UMAD1: variants seen among roughly 807,000 people sequenced by gnomAD.
UMAD1 encodes the protein UBAP1-MVB12-associated (UMA)-domain containing protein 1.
Under a neutral mutation model 6.1 loss-of-function variants are expected in UMAD1, and 8 were observed. The ratio of observed to expected loss-of-function variants is 1.30; its 90% CI spans 0.76 to 2.35. UMAD1 has a LOEUF of 2.35. Among genes scored for constraint, UMAD1 ranks in the 30% most tolerant of loss-of-function variants. UMAD1 has a pLI of 0.00. For missense variants in UMAD1, 130 were observed against 78.4 expected (o/e 1.66, Z -2.49); for synonymous variants, 56 against 31.4 (o/e 1.78, Z -2.61).
chr7:7,714,179 T>C (rs1042967509), intron 2 of UMAD1, among the ~76,000 whole-genome samples: 1 of 152,272 alleles, frequency 6.6e-6, no homozygotes, highest in African/African-American at 2.4e-5. Flanking sequence ...ACTTGATTCA[T>C]GGCCTTTTCT....
chr7:7,737,641 A>G (rs1374750955), intron 2 of UMAD1, among the ~76,000 whole-genome samples: 3 of 152,212 alleles, frequency 2.0e-5, no homozygotes, highest in Non-Finnish European at 4.4e-5. Flanking sequence ...TGGTTGTACT[A>G]TTATTTTAAA....
intron 1 of UMAD1, among the ~76,000 whole-genome samples, chr7:7,654,506 C>T (rs1188694398): frequency 6.6e-6 from 1 of 152,218 alleles, no homozygotes; most frequent in Non-Finnish European, 1.5e-5. Flanking sequence ...GCTCAAGTGC[C>T]TTTTATTAAA....
intron 3 of UMAD1, chr7:7,868,538 A>G (rs577187539): frequency 6.6e-6 from 1 of 152,022 alleles, no homozygotes; most frequent in Non-Finnish European, 1.5e-5. Context: ...AAGCAGGTAG[A>G]AATATTGAAG....
intron 3 of UMAD1, among the ~76,000 whole-genome samples, chr7:7,863,162 A>T (rs548907354): frequency 6.6e-6 from 1 of 152,344 alleles, no homozygotes; most frequent in South Asian, 2.1e-4. Flanking sequence ...GACTTGGAGT[A>T]TGGGACAGGG....
chr7:7,720,954 CCCT>C (rs748171239), intron 2 of UMAD1, among the ~76,000 whole-genome samples: 34 of 152,262 alleles, frequency 2.2e-4, no homozygotes, highest in South Asian at 8.3e-4. Flanking sequence ...TTGGAGTGGG[CCCT>C]CCTCCTTCAC....
At chr7:7,824,910 C>T (rs1322029394) in intron 3 of UMAD1, among the ~76,000 whole-genome samples, 1 of 152,146 alleles carries the variant, frequency 6.6e-6, no homozygotes, top group Non-Finnish European at 1.5e-5. Flanking sequence ...ACCAGGATAG[C>T]TAGTCCACCT....
intron 2 of UMAD1, among the ~76,000 whole-genome samples, chr7:7,776,761 A>G (rs974685987): frequency 5.6e-4 from 86 of 152,316 alleles, no homozygotes; most frequent in African/African-American, 2.0e-3. Context: ...TCATTTTCCA[A>G]TTTCTGATCA....
At chr7:7,834,594 GC>G (rs2115307720) in intron 3 of UMAD1, among the ~76,000 whole-genome samples, 1 of 147,360 alleles carries the variant, frequency 6.8e-6, no homozygotes, top group African/African-American at 2.4e-5. Context: ...CTTGCAGATG[GC>G]CACCTTCTTG....
intron 3 of UMAD1, among the ~76,000 whole-genome samples, chr7:7,813,320 T>C (rs1362548816): frequency 1.3e-5 from 2 of 152,154 alleles, no homozygotes; most frequent in African/African-American, 4.8e-5. Context: ...TTCTCCTGCC[T>C]CAACCTCCCA....
chr7:7,802,966 T>C (rs1011273431), intron 3 of UMAD1, among the ~76,000 whole-genome samples: 1 of 152,202 alleles, frequency 6.6e-6, no homozygotes, highest in Non-Finnish European at 1.5e-5. Flanking sequence ...AAAGATGTGA[T>C]ATAGGAAGTA....
At chr7:7,651,101 T>G (rs1480457250) in intron 1 of UMAD1, among the ~76,000 whole-genome samples, 1 of 152,072 alleles carries the variant, frequency 6.6e-6, no homozygotes, top group Non-Finnish European at 1.5e-5. Flanking sequence ...ATATAGCAAA[T>G]CAGACATTCA....
intron 2 of UMAD1, among the ~76,000 whole-genome samples, chr7:7,754,572 G>C (rs1781739237): frequency 6.6e-6 from 1 of 152,156 alleles, no homozygotes. Context: ...GCTTTGTTCA[G>C]TAGGGTGGTG....
chr7:7,652,548 G>A (rs896912966), intron 1 of UMAD1, among the ~76,000 whole-genome samples: 7 of 152,220 alleles, frequency 4.6e-5, no homozygotes, highest in African/African-American at 1.7e-4. Flanking sequence ...GTTTTATACA[G>A]GACTTAGCAC....
intron 3 of UMAD1, among the ~76,000 whole-genome samples, chr7:7,872,177 C>T (rs995742610): frequency 7.9e-5 from 12 of 152,076 alleles, no homozygotes; most frequent in Admixed American, 3.3e-4. Context: ...GAAGATATTT[C>T]GGGTTCAGTT....
At chr7:7,857,696 CCTGTAAT>C (rs1250791981) in intron 3 of UMAD1, among the ~76,000 whole-genome samples, 2 of 152,196 alleles carry the variant, frequency 1.3e-5, no homozygotes, top group Non-Finnish European at 1.5e-5. Flanking sequence ...GTCCAAACAG[CCTGTAAT>C]TTCAGGGTGT....
intron 1 of UMAD1, among the ~76,000 whole-genome samples, chr7:7,665,372 T>C (rs1467836662): frequency 6.6e-6 from 1 of 152,210 alleles, no homozygotes; most frequent in Non-Finnish European, 1.5e-5. Context: ...TTTCTAGTTT[T>C]GTGTGATGCA....
chr7:7,722,637 A>T (rs1781072735), intron 2 of UMAD1, among the ~76,000 whole-genome samples: 1 of 152,186 alleles, frequency 6.6e-6, no homozygotes, highest in African/African-American at 2.4e-5. Flanking sequence ...ACAGAAGCAT[A>T]TACTGAGCCT....
intron 3 of UMAD1, among the ~76,000 whole-genome samples, chr7:7,836,076 C>A (rs1447261470): frequency 6.6e-6 from 1 of 151,898 alleles, no homozygotes; most frequent in Admixed American, 6.6e-5. Flanking sequence ...CTTAAAGATT[C>A]CATTTAATTA....
At chr7:7,701,080 A>T (rs1780450696) in intron 2 of UMAD1, among the ~76,000 whole-genome samples, 1 of 152,182 alleles carries the variant, frequency 6.6e-6, no homozygotes, top group Non-Finnish European at 1.5e-5. Context: ...TACAAGTATA[A>T]TTCACACTTG....
Sources: allele counts gnomAD v4.1 joint callset (sites outside exome capture counted in the v4.1 genomes callset), GRCh38; gene constraint gnomAD v4.1.1; transcripts MANE v1.5; gene names NCBI Gene and HGNC (gene_info 2026-07-23, HGNC 2026-07-21).